The following ANXA4 variants were observed in gnomAD, a reference collection of about 807,000 sequenced individuals.
The protein encoded by ANXA4 is annexin A4.
Under a neutral mutation model 49.8 loss-of-function variants are expected in ANXA4, and 39 were observed. That is an observed-to-expected ratio of 0.78 (90% CI 0.61 to 1.02). The LOEUF (loss-of-function observed/expected upper bound fraction) is 1.02. Among genes scored for constraint, ANXA4 ranks in the 50% least tolerant of loss-of-function variants. ANXA4 has a pLI of 0.00. For missense variants in ANXA4, 360 were observed against 410.1 expected, an observed-to-expected ratio of 0.88 and a Z score of 1.05; for synonymous variants, 134 against 152.5, an observed-to-expected ratio of 0.88 and a Z score of 0.89.
At chr2:69,788,264 G>A in intron 3 of ANXA4, 123 bp downstream of exon 3, 2 of 834,310 alleles carry the variant, frequency 2.4e-6, no homozygotes, top group East Asian at 2.7e-5. Flanking sequence ...AGGGAGGCTG[G>A]GTGTGGGGCT....
intron 3 of ANXA4, among the ~76,000 whole-genome samples, chr2:69,792,046 C>T (rs190248416): frequency 6.6e-6 from 1 of 152,290 alleles, no homozygotes; most frequent in Non-Finnish European, 1.5e-5. Flanking sequence ...TGTACCTCAA[C>T]ATGTTAAATA....
chr2:69,662,578 CT>C (rs907741032), intron 2 of ANXA4, among the ~76,000 whole-genome samples: 10 of 152,190 alleles, frequency 6.6e-5, no homozygotes, highest in Non-Finnish European at 1.2e-4. Context: ...GCTTGGTATT[CT>C]TCCTGCTTGG....
At chr2:69,705,062 G>C (rs1292968085) in intron 2 of ANXA4, among the ~76,000 whole-genome samples, 2 of 152,066 alleles carry the variant, frequency 1.3e-5, no homozygotes, top group Non-Finnish European at 2.9e-5. Flanking sequence ...GAGGGAGGAG[G>C]ATCACTGGAG....
chr2:69,750,366 A>G (rs1670788563), intron 1 of ANXA4, among the ~76,000 whole-genome samples: 1 of 152,206 alleles, frequency 6.6e-6, no homozygotes, highest in Non-Finnish European at 1.5e-5. Context: ...AAAAGAATGT[A>G]AAGTGCCTCT....
intron 3 of ANXA4, among the ~76,000 whole-genome samples, chr2:69,725,953 A>T (rs1349147052): frequency 6.6e-6 from 1 of 152,084 alleles, no homozygotes; most frequent in Non-Finnish European, 1.5e-5. Context: ...TTCACTATGC[A>T]GTTGTCAGGA....
chr2:69,717,917 C>T (rs1237338471), intron 2 of ANXA4, among the ~76,000 whole-genome samples: 3 of 152,156 alleles, frequency 2.0e-5, no homozygotes, highest in Non-Finnish European at 2.9e-5. Context: ...AGCAGGGGTC[C>T]TCTAAGTAAG....
chr2:69,783,706 A>G (rs1377794256), intron 2 of ANXA4, among the ~76,000 whole-genome samples: 1 of 152,202 alleles, frequency 6.6e-6, no homozygotes, highest in Non-Finnish European at 1.5e-5. Context: ...ATATCAAGGT[A>G]GGACATTTTA....
chr2:69,709,348 C>T (rs1379637833), intron 2 of ANXA4, among the ~76,000 whole-genome samples: 1 of 152,200 alleles, frequency 6.6e-6, no homozygotes, highest in African/African-American at 2.4e-5. Context: ...CTATTCTTCC[C>T]TCCATTTCCT....
intron 3 of ANXA4, among the ~76,000 whole-genome samples, chr2:69,802,559 A>C (rs1463941482): frequency 6.6e-6 from 1 of 152,092 alleles, no homozygotes; most frequent in African/African-American, 2.4e-5. Context: ...AAAAACACAA[A>C]AATTAGCTGG....
At chr2:69,812,631 T>C (rs1558522246) in intron 7 of ANXA4, 22 bp from the exon 8 acceptor site, 1 of 1,609,012 alleles carries the variant, frequency 6.2e-7, no homozygotes, top group Admixed American at 1.7e-5. Flanking sequence ...AATTATTTTT[T>C]ATTTGTTTTT....
intron 3 of ANXA4, among the ~76,000 whole-genome samples, chr2:69,736,125 C>T (rs930321266): frequency 2.6e-5 from 4 of 152,132 alleles, no homozygotes; most frequent in African/African-American, 7.2e-5. Context: ...TTTTGAAAGT[C>T]ACATAGCATT....
intron 1 of ANXA4, among the ~76,000 whole-genome samples, chr2:69,774,152 C>T (rs1006694806): frequency 8.6e-5 from 13 of 151,986 alleles, no homozygotes; most frequent in Admixed American, 7.9e-4. Context: ...TAAAAATTTC[C>T]ACCCTGCTAA....
At chr2:69,805,306 CTAGT>C (rs1311324055) in intron 4 of ANXA4, among the ~76,000 whole-genome samples, 3 of 151,756 alleles carry the variant, frequency 2.0e-5, no homozygotes, top group South Asian at 2.1e-4. Context: ...AAACAGGTGA[CTAGT>C]TAAAGAAATT....
At chr2:69,693,307 G>A (rs1314177629) in intron 2 of ANXA4, among the ~76,000 whole-genome samples, 3 of 152,110 alleles carry the variant, frequency 2.0e-5, no homozygotes, top group Non-Finnish European at 4.4e-5. Flanking sequence ...CCCTGGGGAG[G>A]AAAGTGGATG....
intron 3 of ANXA4, among the ~76,000 whole-genome samples, chr2:69,790,362 G>C (rs958638378): frequency 6.6e-6 from 1 of 152,076 alleles, no homozygotes; most frequent in African/African-American, 2.4e-5. Flanking sequence ...TCCTGGGGTT[G>C]ATTTAAGGGT....
intron 2 of ANXA4, among the ~76,000 whole-genome samples, chr2:69,785,438 T>C (rs1187425373): frequency 1.3e-5 from 2 of 152,208 alleles, no homozygotes; most frequent in African/African-American, 4.8e-5. Flanking sequence ...AAATGCTCCA[T>C]CCTAGATTCT....
At chr2:69,760,368 G>A (rs1671234474) in intron 1 of ANXA4, among the ~76,000 whole-genome samples, 1 of 152,192 alleles carries the variant, frequency 6.6e-6, no homozygotes, top group Admixed American at 6.5e-5. Flanking sequence ...AGAGAGGGAG[G>A]AGAAGGATGG....
chr2:69,823,816 G>A (rs1356887259), intron 12 of ANXA4, among the ~76,000 whole-genome samples: 1 of 152,200 alleles, frequency 6.6e-6, no homozygotes, highest in Non-Finnish European at 1.5e-5. Context: ...ATGAGGCAAA[G>A]TATAAACAAG....
chr2:69,673,059 TG>T (rs1322683116), intron 2 of ANXA4, among the ~76,000 whole-genome samples: 1 of 152,176 alleles, frequency 6.6e-6, no homozygotes, highest in Admixed American at 6.5e-5. Flanking sequence ...ACTTTTACAC[TG>T]TTGGTGGGAG....
Sources: gnomAD v4.1 joint callset for allele counts (sites outside exome capture counted in the v4.1 genomes callset) on GRCh38, gnomAD v4.1.1 for gene constraint, MANE v1.5 for transcripts, NCBI Gene and HGNC (gene_info 2026-07-23, HGNC 2026-07-21) for gene names.